MKLN1: variants seen among roughly 807,000 people sequenced by gnomAD.
MKLN1 encodes muskelin.
MKLN1 carries 18 observed loss-of-function variants against 99.0 expected under a neutral mutation model. That is an observed-to-expected ratio of 0.18 (90% CI 0.13 to 0.27). The LOEUF (loss-of-function observed/expected upper bound fraction) is 0.27. Among genes scored for constraint, MKLN1 ranks in the 10% least tolerant of loss-of-function variants. MKLN1 has a pLI of 1.00. For synonymous variants in MKLN1, 288 were observed against 293.2 expected (o/e 0.98, Z 0.18); for missense variants, 621 against 875.9 (o/e 0.71, Z 3.67).
chr7:131,388,715 G>C (rs572190686), intron 3 of MKLN1, among the ~76,000 whole-genome samples, 169 bp from the exon 4 acceptor site: 4 of 152,154 alleles, frequency 2.6e-5, no homozygotes, highest in Non-Finnish European at 4.4e-5. Flanking sequence ...TGATTTGAAT[G>C]TACCGGTTTT....
intron 1 of MKLN1, among the ~76,000 whole-genome samples, chr7:131,336,527 G>A (rs535471975): frequency 1.1e-4 from 17 of 151,696 alleles, no homozygotes; most frequent in African/African-American, 3.9e-4. Context: ...GCCTTCTTTT[G>A]GATTAATCAA....
chr7:131,371,712 A>G (rs1793469116), intron 1 of MKLN1, among the ~76,000 whole-genome samples: 2 of 151,748 alleles, frequency 1.3e-5, no homozygotes, highest in South Asian at 4.1e-4. Context: ...TCATAGTAAC[A>G]TTATTCTTTA....
intron 9 of MKLN1, among the ~76,000 whole-genome samples, chr7:131,437,386 A>C (rs1005144948): frequency 6.6e-6 from 1 of 152,214 alleles, no homozygotes; most frequent in African/African-American, 2.4e-5. Flanking sequence ...AGAAATACAA[A>C]AATGTTCATA....
intron 14 of MKLN1, 76 bp from the exon 15 acceptor site, chr7:131,466,200 C>G (rs936004492): frequency 3.0e-6 from 3 of 1,002,846 alleles, no homozygotes; most frequent in African/African-American, 3.3e-5. Flanking sequence ...AGGAAGTTAA[C>G]CTGTTATGCA....
intron 3 of MKLN1, among the ~76,000 whole-genome samples, chr7:131,276,554 A>G (rs973765255): frequency 6.6e-6 from 1 of 152,158 alleles, no homozygotes; most frequent in Admixed American, 6.5e-5. Context: ...TTTGGGGCAC[A>G]GTGTGGTTCA....
intron 3 of MKLN1, among the ~76,000 whole-genome samples, chr7:131,215,066 A>G (rs1371547212): frequency 6.6e-6 from 1 of 152,204 alleles, no homozygotes; most frequent in Non-Finnish European, 1.5e-5. Flanking sequence ...TCAGCATACA[A>G]GACAGAGTTT....
At chr7:131,244,436 C>A (rs906028525) in intron 3 of MKLN1, among the ~76,000 whole-genome samples, 1 of 152,156 alleles carries the variant, frequency 6.6e-6, no homozygotes, top group Non-Finnish European at 1.5e-5. Flanking sequence ...CCCACCACCT[C>A]CCCTCTCACA....
intron 11 of MKLN1, among the ~76,000 whole-genome samples, chr7:131,444,225 C>T (rs1200206807): frequency 6.6e-6 from 1 of 151,876 alleles, no homozygotes; most frequent in Non-Finnish European, 1.5e-5. Context: ...TGACCTGTGC[C>T]TGTAGTCCCA....
At chr7:131,465,885 T>C (rs1323335173) in intron 14 of MKLN1, among the ~76,000 whole-genome samples, 1 of 152,212 alleles carries the variant, frequency 6.6e-6, no homozygotes, top group Non-Finnish European at 1.5e-5. Flanking sequence ...TGTTAACTTT[T>C]AGTGATTCAG....
chr7:131,473,517 C>T (rs1039816035), intron 16 of MKLN1, among the ~76,000 whole-genome samples: 1 of 151,888 alleles, frequency 6.6e-6, no homozygotes, highest in Non-Finnish European at 1.5e-5. Flanking sequence ...TACAATAAAT[C>T]TTATAAAAAA....
At chr7:131,466,623 A>T (rs1796668923) in intron 15 of MKLN1, among the ~76,000 whole-genome samples, 1 of 152,320 alleles carries the variant, frequency 6.6e-6, no homozygotes, top group East Asian at 1.9e-4. Flanking sequence ...GAACAAGTGA[A>T]ATTTTGCAGC....
chr7:131,150,230 A>G (rs184554588), intron 2 of MKLN1, among the ~76,000 whole-genome samples: 84 of 152,312 alleles, frequency 5.5e-4, no homozygotes, highest in African/African-American at 2.0e-3. Context: ...AATCTGGAAT[A>G]ACTCAATGAC....
intron 3 of MKLN1, among the ~76,000 whole-genome samples, chr7:131,301,099 A>G (rs963292626): frequency 6.6e-6 from 1 of 152,228 alleles, no homozygotes; most frequent in Non-Finnish European, 1.5e-5. Flanking sequence ...TATGGTAGAT[A>G]AAAGAAAAGT....
At chr7:131,425,233 T>C (rs1795323845) in intron 8 of MKLN1, among the ~76,000 whole-genome samples, 2 of 152,204 alleles carry the variant, frequency 1.3e-5, no homozygotes, top group Admixed American at 1.3e-4. Context: ...AAAACACTTT[T>C]GACGTGTTTT....
chr7:131,160,682 CTT>C (rs5887499), intron 2 of MKLN1, among the ~76,000 whole-genome samples: 78 of 119,572 alleles, frequency 6.5e-4, no homozygotes, highest in Non-Finnish European at 9.5e-4. Context: ...CCACACTGTG[CTT>C]TTTTTTTTTT....
Position 131,111,247 on chromosome 7 carries a change from C to T in MKLN1, c.-419+1040C>T, listed in dbSNP as rs148058033. Among the ~76,000 whole-genome samples the T allele has an allele frequency of 4.9e-3, 749 of 152,332 alleles. 14 individuals are homozygous for T. Among genetic ancestry groups the T allele is most frequent in the African/African-American group, 0.017 (716 of 41,558 alleles). On this transcript the variant is annotated intron_variant, in intron 1 of 7. Coordinates refer to the MKLN1 transcript ENST00000416992. The stretch of plus-strand genomic sequence containing the variant: ...AGGGAACCCAAGCTCCTGCTGCTCT[C>T]TAATCACCAGCGTGTTCCGTGGAAA...
intron 3 of MKLN1, among the ~76,000 whole-genome samples, chr7:131,299,614 G>T (rs1013482393): frequency 1.4e-4 from 21 of 152,170 alleles, no homozygotes; most frequent in African/African-American, 4.3e-4. Context: ...TGAGGCTGAA[G>T]CAAATCTGAC....
intron 1 of MKLN1, among the ~76,000 whole-genome samples, chr7:131,116,385 C>T (rs2116175166): frequency 6.6e-6 from 1 of 152,096 alleles, no homozygotes; most frequent in South Asian, 2.1e-4. Context: ...CTGAGCCTCA[C>T]TTTGTAGTTA....
Position 131,423,489 on chromosome 7 carries a change from C to T in MKLN1, c.848-5544C>T, listed in dbSNP as rs924191350. 4.6e-5 allele frequency among the ~76,000 whole-genome samples: 7 copies of T among 152,226 alleles called. No homozygotes were observed. In the South Asian group the frequency reaches 8.3e-4, roughly 18 times the overall value. On this transcript the variant is annotated intron_variant, in intron 8 of 17. Transcript: ENST00000352689. The stretch of plus-strand genomic sequence containing the variant: ...CTGGGATTACAGGCATGTGCCACCA[C>T]GCCTGGCTAATTTTGTATTTTCAGT...
Sources: allele counts gnomAD v4.1 joint callset (sites outside exome capture counted in the v4.1 genomes callset), GRCh38; gene constraint gnomAD v4.1.1; transcripts MANE v1.5; gene names NCBI Gene and HGNC (gene_info 2026-07-23, HGNC 2026-07-21).